DOK6: variants seen among roughly 807,000 people sequenced by gnomAD.
DOK6 encodes docking protein 6.
Under a neutral mutation model 44.0 loss-of-function variants are expected in DOK6, and 22 were observed. That is an observed-to-expected ratio of 0.50 (90% confidence interval 0.36 to 0.71). The LOEUF (loss-of-function observed/expected upper bound fraction) is 0.71, where lower values mean the gene tolerates loss of function less well. DOK6 is among the 30% of genes least tolerant of loss of function. The probability of loss-of-function intolerance (pLI) is 0.00; values close to 1 mark genes in which losing one functional copy is unlikely to be tolerated. For synonymous variants in DOK6, 166 were observed against 145.5 expected (o/e 1.14, Z -1.01); for missense variants, 340 against 416.4 (o/e 0.82, Z 1.60).
At chr18:69,656,089 C>A (rs1270493478) in intron 3 of DOK6, among the ~76,000 whole-genome samples, 1 of 151,796 alleles carries the variant, frequency 6.6e-6, no homozygotes, top group Non-Finnish European at 1.5e-5. Context: ...AACAAAAAGT[C>A]TTAAAAGCAA....
chr18:69,805,465 A>G (rs1981028127), intron 7 of DOK6, among the ~76,000 whole-genome samples: 1 of 152,146 alleles, frequency 6.6e-6, no homozygotes, highest in South Asian at 2.1e-4. Flanking sequence ...AATCCTTTTT[A>G]AAATACATAT....
intron 3 of DOK6, among the ~76,000 whole-genome samples, chr18:69,659,203 G>A (rs547392135): frequency 6.6e-6 from 1 of 152,322 alleles, no homozygotes; most frequent in Admixed American, 6.5e-5. Context: ...ATGGTCAAAG[G>A]ATGCTGTCCT....
chr18:69,829,775 A>G (rs997976025), intron 7 of DOK6, among the ~76,000 whole-genome samples: 2 of 151,972 alleles, frequency 1.3e-5, no homozygotes, highest in Admixed American at 6.6e-5. Flanking sequence ...CTATAGGAAA[A>G]AAAAAAAGAA....
At chr18:69,705,098 G>C (rs1239756994) in intron 5 of DOK6, 9 of 152,314 alleles carry the variant, frequency 5.9e-5, no homozygotes, top group African/African-American at 1.7e-4. Flanking sequence ...CCCTCCAGGA[G>C]GATTTTCCTT....
rs371028879 is a variant in DOK6 at position 69,581,943 on chromosome 18, G to A, written c.174+17349G>A. On this transcript the variant is annotated intron_variant, in intron 2 of 7. Coordinates refer to ENST00000382713, the MANE Select transcript of DOK6 (RefSeq NM_152721.6). ...TGTGAGAAATGCTAAGAAAAGGATAGCCAGATGGGCCTGACATGCTGCCTC... is the reference window on the plus strand; with the variant it reads ...TGTGAGAAATGCTAAGAAAAGGATAACCAGATGGGCCTGACATGCTGCCTC... Among the ~76,000 whole-genome samples, 17 of 152,326 alleles carry A rather than the reference G, an allele frequency of 1.1e-4. No homozygotes were observed. The South Asian group carries it at 3.3e-3, about 30-fold the overall frequency.
In DOK6 at chr18:69,565,283, T is replaced by C. The variant is rs181719470; in HGVS notation, c.174+689T>C. On this transcript the variant is annotated intron_variant, in intron 2 of 7. Coordinates refer to ENST00000382713, the MANE Select transcript of DOK6 (RefSeq NM_152721.6). The stretch of plus-strand genomic sequence containing the variant: ...ATTTTAATTTCTCATTGGTCATACA[T>C]GGAGTAAGTTTTCCTGGATAATGTA... Among the ~76,000 whole-genome samples, 344 of 152,298 alleles carry C rather than the reference T, an allele frequency of 2.3e-3. 3 individuals are homozygous for C. Among genetic ancestry groups the C allele is most frequent in the African/African-American group, 7.9e-3 (330 of 41,574 alleles).
At chr18:69,462,467 A>G (rs1225137448) in intron 1 of DOK6, among the ~76,000 whole-genome samples, 1 of 152,180 alleles carries the variant, frequency 6.6e-6, no homozygotes, top group African/African-American at 2.4e-5. Flanking sequence ...CTCAGACATC[A>G]GCTTTTCATG....
chr18:69,519,261 T>C (rs1981622463), intron 1 of DOK6, among the ~76,000 whole-genome samples: 1 of 152,008 alleles, frequency 6.6e-6, no homozygotes, highest in Non-Finnish European at 1.5e-5. Flanking sequence ...GAGTGTATAT[T>C]GATGCAGACT....
At chr18:69,514,839 AT>A (rs543338373) in intron 1 of DOK6, among the ~76,000 whole-genome samples, 105 of 121,224 alleles carry the variant, frequency 8.7e-4, no homozygotes, top group African/African-American at 1.3e-3. Context: ...CTCCATATAT[AT>A]TTTTTTTTTT....
At chr18:69,544,916 G>C (rs944859725) in intron 1 of DOK6, among the ~76,000 whole-genome samples, 1 of 151,142 alleles carries the variant, frequency 6.6e-6, no homozygotes, top group South Asian at 2.1e-4. Context: ...GGATCACTAG[G>C]TCAGGAGCTC....
At chr18:69,494,163 C>T (rs192352188) in intron 1 of DOK6, among the ~76,000 whole-genome samples, 161 of 152,274 alleles carry the variant, frequency 1.1e-3, no homozygotes, top group African/African-American at 3.7e-3. Context: ...GCAAGTTAAA[C>T]CCACTTAAGA....
chr18:69,796,927 A>G (rs928690734), intron 7 of DOK6, among the ~76,000 whole-genome samples: 12 of 152,190 alleles, frequency 7.9e-5, no homozygotes, highest in African/African-American at 2.9e-4. Flanking sequence ...GTCTGATTCA[A>G]TGTTTTTCTT....
intron 2 of DOK6, among the ~76,000 whole-genome samples, chr18:69,591,387 C>T (rs142744249): frequency 1.5e-3 from 232 of 152,230 alleles, no homozygotes; most frequent in African/African-American, 4.9e-3. Flanking sequence ...GACTGACAGA[C>T]AACCGTGGTC....
intron 2 of DOK6, among the ~76,000 whole-genome samples, chr18:69,577,326 G>T (rs1018659263): frequency 1.3e-5 from 2 of 152,162 alleles, no homozygotes; most frequent in African/African-American, 4.8e-5. Context: ...CATGCGATGT[G>T]AAAGCTGTTA....
At chr18:69,651,178 C>T (rs1985215939) in intron 3 of DOK6, among the ~76,000 whole-genome samples, 3 of 152,236 alleles carry the variant, frequency 2.0e-5, no homozygotes, top group Admixed American at 2.0e-4. Context: ...CCACTTGAGC[C>T]TCCTGTAATA....
At chr18:69,741,260 GTTTGA>G (rs1356510789) in intron 6 of DOK6, among the ~76,000 whole-genome samples, 1 of 152,208 alleles carries the variant, frequency 6.6e-6, no homozygotes, top group Non-Finnish European at 1.5e-5. Context: ...TCAATAGAGT[GTTTGA>G]TTTAATTCAG....
intron 1 of DOK6, among the ~76,000 whole-genome samples, chr18:69,405,533 T>C (rs1861230356): frequency 6.6e-6 from 1 of 152,074 alleles, no homozygotes; most frequent in Non-Finnish European, 1.5e-5. Context: ...TGAGCTGAGA[T>C]CATGCCTCTG....
intron 1 of DOK6, among the ~76,000 whole-genome samples, chr18:69,461,186 G>GTC (rs1479945763): frequency 6.6e-6 from 1 of 152,078 alleles, no homozygotes; most frequent in Non-Finnish European, 1.5e-5. Context: ...CACACACATT[G>GTC]TCTCTCTCTC....
rs1371076166 is a variant in DOK6 at position 69,848,474 on chromosome 18, C to T, written c.*7091C>T. ...GGGGACATCTGTACTTAAAAACTAG[C>T]TGAACTACGTTTTGGGATGAGATGC... On this transcript the variant is annotated 3_prime_UTR_variant, in exon 8 of 8. Transcript: ENST00000382713. 1 of 152,150 alleles carries T rather than the reference C, an allele frequency of 6.6e-6. No individual in the cohort carries two copies. Among genetic ancestry groups the T allele is most frequent in the Non-Finnish European group, 1.5e-5 (1 of 68,028 alleles). The allele number at this position is 152,150 out of a possible 1,614,324, so 9.4% of individuals were successfully genotyped here.
Sources: gnomAD v4.1 joint callset for allele counts (sites outside exome capture counted in the v4.1 genomes callset) on GRCh38, gnomAD v4.1.1 for gene constraint, MANE v1.5 for transcripts, NCBI Gene and HGNC (gene_info 2026-07-23, HGNC 2026-07-21) for gene names.